Variants in DYM observed in about 807,000 individuals in gnomAD.
The protein encoded by DYM is dymeclin, also known as dyggve-Melchior-Clausen syndrome protein.
Under a neutral mutation model 93.1 loss-of-function variants are expected in DYM, and 78 were observed. The ratio of observed to expected loss-of-function variants is 0.84; its 90% CI spans 0.70 to 1.01. The LOEUF (loss-of-function observed/expected upper bound fraction) is 1.01, where lower values mean the gene tolerates loss of function less well. Ranked by LOEUF, DYM falls within the 50% of genes least tolerant of loss-of-function variation. DYM has a pLI of 0.00. For synonymous variants in DYM, 321 were observed against 319.7 expected (o/e 1.00, Z -0.04); for missense variants, 789 against 845.0 (o/e 0.93, Z 0.82).
chr18:49,212,576 C>T (rs1048244708), intron 13 of DYM, among the ~76,000 whole-genome samples: 2 of 151,944 alleles, frequency 1.3e-5, no homozygotes, highest in Non-Finnish European at 2.9e-5. Flanking sequence ...TAGCTCACTG[C>T]AGCCTAAACT....
At chr18:49,341,511 A>ATG (rs1568282650) in intron 6 of DYM, among the ~76,000 whole-genome samples, 18 of 147,750 alleles carry the variant, frequency 1.2e-4, no homozygotes, top group Admixed American at 8.9e-4. Context: ...AAAAAAAAAA[A>ATG]AAAAAATGAT....
At chr18:49,401,501 T>C (rs1241880888) in intron 2 of DYM, among the ~76,000 whole-genome samples, 13 of 152,186 alleles carry the variant, frequency 8.5e-5, no homozygotes, top group Admixed American at 5.2e-4. Context: ...ATCAGGGTAA[T>C]TGGGGCATCC....
chr18:49,386,332 A>G (rs1433938782), intron 3 of DYM, among the ~76,000 whole-genome samples: 4 of 152,206 alleles, frequency 2.6e-5, no homozygotes, highest in Admixed American at 6.5e-5. Context: ...TGAAGGGATC[A>G]GGAGAGAAAG....
intron 8 of DYM, among the ~76,000 whole-genome samples, chr18:49,297,302 A>G (rs953720220): frequency 6.6e-6 from 1 of 152,244 alleles, no homozygotes; most frequent in African/African-American, 2.4e-5. Context: ...AATGTGGATG[A>G]ATTTCACAAA....
At chr18:49,370,082 G>A (rs1401905384) in intron 5 of DYM, among the ~76,000 whole-genome samples, 1 of 152,070 alleles carries the variant, frequency 6.6e-6, no homozygotes, top group Non-Finnish European at 1.5e-5. Context: ...TTCAAGACCA[G>A]CCTGGCCAAC....
At chr18:49,398,590 T>C (rs1030292779) in intron 2 of DYM, among the ~76,000 whole-genome samples, 17 of 152,306 alleles carry the variant, frequency 1.1e-4, no homozygotes, top group African/African-American at 3.1e-4. Flanking sequence ...AAGAAAGACA[T>C]AAACAGAAAG....
At chr18:49,094,490 G>A (rs766789852) in intron 17 of DYM, among the ~76,000 whole-genome samples, 1 of 152,084 alleles carries the variant, frequency 6.6e-6, no homozygotes, top group Admixed American at 6.5e-5. Flanking sequence ...AGGAGGCTCC[G>A]GAAAAAATAA....
chr18:49,457,733 A>G (rs2083116149), intron 1 of DYM, among the ~76,000 whole-genome samples: 1 of 152,238 alleles, frequency 6.6e-6, no homozygotes, highest in African/African-American at 2.4e-5. Flanking sequence ...CTGGGAAAAG[A>G]GACTTTGCAG....
Position 49,077,687 on chromosome 18 carries a change from C to T in DYM, c.2025+19715G>A, listed in dbSNP as rs74404214. ...GCACATTTGTGCCTGTTATGTCTTC[C>T]TCTTGAATTGTCCCTGTGATCATTA... On this transcript the variant is annotated intron_variant, in intron 17 of 17. Coordinates refer to ENST00000675505, the MANE Select transcript of DYM (RefSeq NM_001353214.3). 1.6e-4 allele frequency among the ~76,000 whole-genome samples: 24 copies of T among 152,126 alleles called. 1 individual carries two copies. The East Asian group carries it at 4.6e-3, about 29-fold the overall frequency.
chr18:49,097,176 A>G (rs2079619115), intron 17 of DYM: 2 of 589,618 alleles, frequency 3.4e-6, no homozygotes, highest in African/African-American at 3.7e-5. Context: ...TATTAACAGT[A>G]TATGAATTAT....
intron 2 of DYM, among the ~76,000 whole-genome samples, chr18:49,419,938 G>A (rs781201003): frequency 9.2e-5 from 14 of 152,118 alleles, no homozygotes; most frequent in East Asian, 1.9e-4. Flanking sequence ...CCTCTAAGTC[G>A]TATCACTATC....
chr18:49,080,928 T>A (rs1277561567), intron 17 of DYM, among the ~76,000 whole-genome samples: 7 of 149,384 alleles, frequency 4.7e-5, no homozygotes, highest in African/African-American at 1.8e-4. Flanking sequence ...GAGACGCTCC[T>A]CACTTCCCAG....
chr18:49,081,371 GC>G (rs2077995031), intron 17 of DYM, among the ~76,000 whole-genome samples: 1 of 151,792 alleles, frequency 6.6e-6, no homozygotes, highest in African/African-American at 2.4e-5. Context: ...AGGCGTGGTG[GC>G]GCGTGCCTGC....
intron 17 of DYM, among the ~76,000 whole-genome samples, chr18:49,090,526 T>C (rs1193324022): frequency 6.6e-6 from 1 of 152,244 alleles, no homozygotes; most frequent in African/African-American, 2.4e-5. Context: ...GAAGAGGTTT[T>C]GCTGTTGGGC....
At chr18:49,064,418 G>A (rs936430992) in intron 17 of DYM, among the ~76,000 whole-genome samples, 12 of 152,222 alleles carry the variant, frequency 7.9e-5, no homozygotes, top group South Asian at 2.1e-4. Context: ...TGAAGTAAAC[G>A]TGCAAAAATT....
intron 2 of DYM, among the ~76,000 whole-genome samples, chr18:49,405,205 T>C (rs2071335398): frequency 6.6e-6 from 1 of 152,192 alleles, no homozygotes; most frequent in African/African-American, 2.4e-5. Flanking sequence ...GTCTGTTTAC[T>C]CTGTTGATTT....
chr18:49,327,344 C>T (rs1461710270), intron 8 of DYM, among the ~76,000 whole-genome samples: 2 of 151,718 alleles, frequency 1.3e-5, no homozygotes, highest in Admixed American at 1.3e-4. Flanking sequence ...CTGTGTATAT[C>T]TTTAGGGTTT....
At chr18:49,135,930 A>G (rs2144249886) in intron 15 of DYM, among the ~76,000 whole-genome samples, 1 of 152,360 alleles carries the variant, frequency 6.6e-6, no homozygotes, top group South Asian at 2.1e-4. Flanking sequence ...CTGCATTATA[A>G]CTATAGTTCA....
chr18:49,349,558 T>A (rs2064933372), intron 6 of DYM, among the ~76,000 whole-genome samples: 1 of 152,040 alleles, frequency 6.6e-6, no homozygotes, highest in Non-Finnish European at 1.5e-5. Flanking sequence ...GAAAAAGAAC[T>A]CTCCGGAACT....
Sources: gnomAD v4.1 joint callset for allele counts (sites outside exome capture counted in the v4.1 genomes callset) on GRCh38, gnomAD v4.1.1 for gene constraint, MANE v1.5 for transcripts, NCBI Gene and HGNC (gene_info 2026-07-23, HGNC 2026-07-21) for gene names.